OPHN1: variants seen among roughly 807,000 people sequenced by gnomAD.
The protein encoded by OPHN1 is oligophrenin 1.
A neutral mutation model predicts 60.7 loss-of-function variants in OPHN1; 11 were observed. The observed-to-expected ratio is 0.18, with a 90% CI of 0.11 to 0.30. The LOEUF is 0.30. OPHN1 is among the 10% of genes least tolerant of loss of function. The probability of loss-of-function intolerance (pLI) is 1.00; values close to 1 mark genes in which losing one functional copy is unlikely to be tolerated. For missense variants in OPHN1, 449 were observed against 611.0 expected (o/e 0.73, Z 2.80); for synonymous variants, 226 against 222.6 (o/e 1.02, Z -0.14).
At chrX:68,058,259 AACACACAC>A (rs745625536) in intron 21 of OPHN1, among the ~76,000 whole-genome samples, 5 of 101,995 alleles carry the variant, frequency 4.9e-5, no homozygotes, top group African/African-American at 1.4e-4. Context: ...CCTACACTCT[AACACACAC>A]ACACACACAC....
At chrX:68,101,411 C>T (rs1336719111) in intron 18 of OPHN1, among the ~76,000 whole-genome samples, 3 of 112,028 alleles carry the variant, frequency 2.7e-5, no homozygotes, top group African/African-American at 9.7e-5. Flanking sequence ...CAGATGTGTA[C>T]AGAATTCAGA....
intron 2 of OPHN1, among the ~76,000 whole-genome samples, chrX:68,316,271 A>G (rs1187870600): frequency 8.9e-6 from 1 of 111,913 alleles, no homozygotes; most frequent in Non-Finnish European, 1.9e-5. Context: ...ATAAAACTAG[A>G]CAGCAAGGTT....
At chrX:68,345,711 C>T (rs2147697092) in intron 2 of OPHN1, among the ~76,000 whole-genome samples, 1 of 111,780 alleles carries the variant, frequency 8.9e-6, no homozygotes, top group Non-Finnish European at 1.9e-5. Context: ...CAAAAATTAT[C>T]CAGGTGTGGT....
At chrX:68,257,739 G>C (rs765891156) in intron 5 of OPHN1, among the ~76,000 whole-genome samples, 1 of 111,419 alleles carries the variant, frequency 9.0e-6, no homozygotes, top group Non-Finnish European at 1.9e-5. Flanking sequence ...TTTCAAGTAT[G>C]TAGTAGCTAC....
intron 23 of OPHN1, among the ~76,000 whole-genome samples, chrX:68,049,747 G>A (rs1486975505): frequency 3.6e-5 from 4 of 111,764 alleles, no homozygotes; most frequent in African/African-American, 9.8e-5. Context: ...ATGCCTTCAC[G>A]ATCTGGCTCC....
chrX:68,311,624 G>C (rs2078173802), intron 2 of OPHN1, among the ~76,000 whole-genome samples: 1 of 111,368 alleles, frequency 9.0e-6, no homozygotes, highest in Non-Finnish European at 1.9e-5. Flanking sequence ...GTAGAGACGG[G>C]GTTTCACCAT....
At chrX:68,077,155 C>A (rs1406288514) in intron 19 of OPHN1, among the ~76,000 whole-genome samples, 1 of 111,575 alleles carries the variant, frequency 9.0e-6, no homozygotes, top group Non-Finnish European at 1.9e-5. Context: ...CACATTTTGC[C>A]TATTAGACTG....
chrX:68,125,875 A>G (rs1463409088), intron 15 of OPHN1, among the ~76,000 whole-genome samples: 2 of 95,166 alleles, frequency 2.1e-5, no homozygotes, highest in East Asian at 6.8e-4. Flanking sequence ...ACCAAAACAC[A>G]TCAAAAAAAC....
chrX:68,315,750 G>T (rs2078196350), intron 2 of OPHN1, among the ~76,000 whole-genome samples: 1 of 111,035 alleles, frequency 9.0e-6, no homozygotes, highest in Non-Finnish European at 1.9e-5. Flanking sequence ...AAAAACAGTT[G>T]CATTTCTATA....
At chrX:68,070,101 T>C (rs773425929) in intron 20 of OPHN1, among the ~76,000 whole-genome samples, 2 of 111,765 alleles carry the variant, frequency 1.8e-5, no homozygotes, top group African/African-American at 6.5e-5. Flanking sequence ...GACACTTTTA[T>C]TGTCTATTTA....
intron 11 of OPHN1, among the ~76,000 whole-genome samples, chrX:68,200,479 C>G (rs1239496120): frequency 9.0e-6 from 1 of 111,387 alleles, no homozygotes; most frequent in Non-Finnish European, 1.9e-5. Context: ...GAAGCCACAG[C>G]CAACAATAAT....
At chrX:68,350,659 G>C (rs949549394) in intron 2 of OPHN1, among the ~76,000 whole-genome samples, 35 of 108,462 alleles carry the variant, frequency 3.2e-4, no homozygotes, top group Middle Eastern at 4.7e-3. Flanking sequence ...TGGGACTACA[G>C]GCACATGCCA....
chrX:68,195,003 A>AAGGAAGG (rs1230407967), intron 12 of OPHN1, among the ~76,000 whole-genome samples: 6 of 58,740 alleles, frequency 1.0e-4, no homozygotes, highest in African/African-American at 1.3e-4. Flanking sequence ...AGAGAGAAAG[A>AAGGAAGG]AAGGAAGGAA....
chrX:68,233,436 T>A (rs983017715), intron 6 of OPHN1, among the ~76,000 whole-genome samples: 1 of 112,057 alleles, frequency 8.9e-6, no homozygotes, highest in Admixed American at 9.5e-5. Flanking sequence ...AATCTTTCAT[T>A]GAACATATAG....
chrX:68,422,122 T>C (rs1183997671), intron 2 of OPHN1, among the ~76,000 whole-genome samples: 3 of 111,294 alleles, frequency 2.7e-5, no homozygotes, highest in Non-Finnish European at 5.6e-5. Context: ...CTAGCCCTAA[T>C]GGGGAGGAAA....
At chrX:68,261,199 CA>C (rs942845451) in intron 5 of OPHN1, among the ~76,000 whole-genome samples, 3 of 111,329 alleles carry the variant, frequency 2.7e-5, no homozygotes, top group Admixed American at 1.9e-4. Context: ...CCAGAAACCA[CA>C]AAAAAGCTCA....
intron 6 of OPHN1, among the ~76,000 whole-genome samples, chrX:68,229,665 C>T (rs1187885760): frequency 1.6e-4 from 18 of 110,525 alleles, no homozygotes; most frequent in South Asian, 7.7e-4. Flanking sequence ...AATGGGGAAA[C>T]GATTCCCTTT....
intron 11 of OPHN1, among the ~76,000 whole-genome samples, chrX:68,200,281 T>C (rs1372904006): frequency 9.0e-6 from 1 of 110,506 alleles, no homozygotes; most frequent in Non-Finnish European, 1.9e-5. Context: ...ATCCCTGGGT[T>C]CTAGTGTCGA....
At chrX:68,296,700 C>T (rs2105881) in intron 3 of OPHN1, among the ~76,000 whole-genome samples, 5,885 of 107,281 alleles carry the variant, frequency 0.055, 435 homozygotes, top group African/African-American at 0.19. Flanking sequence ...GTAGCTGATG[C>T]CTGTAATCAC....
Sources: allele counts gnomAD v4.1 joint callset (sites outside exome capture counted in the v4.1 genomes callset), GRCh38; gene constraint gnomAD v4.1.1; transcripts MANE v1.5; gene names NCBI Gene and HGNC (gene_info 2026-07-23, HGNC 2026-07-21).